Variants in MAN1C1 observed in about 807,000 individuals in gnomAD.
MAN1C1 encodes the protein mannosyl-oligosaccharide 1,2-alpha-mannosidase IC.
Under a neutral mutation model 71.5 loss-of-function variants are expected in MAN1C1, and 49 were observed. That is an observed-to-expected ratio of 0.69 (90% CI 0.54 to 0.87). MAN1C1 has a LOEUF of 0.87. Among genes scored for constraint, MAN1C1 ranks in the 40% least tolerant of loss-of-function variants. The probability of loss-of-function intolerance (pLI) is 0.00; values close to 1 mark genes in which losing one functional copy is unlikely to be tolerated. For synonymous variants in MAN1C1, 352 were observed against 343.7 expected (o/e 1.02, Z -0.27); for missense variants, 743 against 835.0 (o/e 0.89, Z 1.36).
chr1:25,720,362 C>T (rs1012408649), intron 2 of MAN1C1, among the ~76,000 whole-genome samples: 1 of 152,082 alleles, frequency 6.6e-6, no homozygotes, highest in Non-Finnish European at 1.5e-5. Context: ...AGGCACGCAC[C>T]GCCATGCCCG....
rs551522833 is a variant in MAN1C1, at chr1:25,735,276, G to A, written c.638-11392G>A. ...CTGCCAAAAACACAAAAATTAGCCGGGCATGCTGACGCATGCCTGTAATCC... is the reference window on the plus strand; with the variant it reads ...CTGCCAAAAACACAAAAATTAGCCGAGCATGCTGACGCATGCCTGTAATCC... On this transcript the variant is annotated intron_variant, in intron 2 of 11. Transcript: ENST00000374332. The surrounding 1 kb of genome is among the most constrained non-coding windows in gnomAD (Gnocchi z 4.6). 5.0e-4 allele frequency among the ~76,000 whole-genome samples: 76 copies of A among 152,190 alleles called. No individual in the cohort carries two copies. Among genetic ancestry groups the A allele is most frequent in the African/African-American group, 1.7e-3 (72 of 41,520 alleles).
At chr1:25,636,622 A>G (rs1228100716) in intron 1 of MAN1C1, among the ~76,000 whole-genome samples, 2 of 152,208 alleles carry the variant, frequency 1.3e-5, no homozygotes, top group Admixed American at 6.5e-5. Flanking sequence ...CTGATTTCAT[A>G]TTGTTCAAAC....
rs1448647762 is a variant in MAN1C1, at chr1:25,779,426, G to T, written c.1477+1102G>T. Among the ~76,000 whole-genome samples the T allele has an allele frequency of 1.3e-5, 2 of 152,178 alleles. No individual in the cohort carries two copies. Among genetic ancestry groups the T allele is most frequent in the African/African-American group, 4.8e-5 (2 of 41,444 alleles). On this transcript the variant is annotated intron_variant, in intron 9 of 11. Coordinates refer to ENST00000374332, the MANE Select transcript of MAN1C1 (RefSeq NM_020379.4). The surrounding 1 kb of genome is among the most constrained non-coding windows in gnomAD (Gnocchi z 4.6). ...TCTGTGCCCGCCCCAGCTGAATGGGGTCTCCTGGAGCTGTTTCCAGGAAGT... is the reference window on the plus strand; with the variant it reads ...TCTGTGCCCGCCCCAGCTGAATGGGTTCTCCTGGAGCTGTTTCCAGGAAGT...
At chr1:25,632,361 T>C (rs1239454639) in intron 1 of MAN1C1, among the ~76,000 whole-genome samples, 1 of 152,234 alleles carries the variant, frequency 6.6e-6, no homozygotes, top group African/African-American at 2.4e-5. Flanking sequence ...ACTTCCAGTT[T>C]CATTTCTAAT....
intron 8 of MAN1C1, 100 bp downstream of exon 8, chr1:25,771,872 G>A (rs1257702828): frequency 2.5e-5 from 21 of 853,868 alleles, no homozygotes; most frequent in Admixed American, 9.7e-5. Flanking sequence ...CAGATGGGCC[G>A]AGACTTGCTC....
intron 1 of MAN1C1, among the ~76,000 whole-genome samples, chr1:25,676,976 C>T (rs1252230939): frequency 2.6e-5 from 4 of 152,180 alleles, no homozygotes; most frequent in East Asian, 1.9e-4. Context: ...TCCTTTCTCT[C>T]TTGATCTCAT....
intron 1 of MAN1C1, among the ~76,000 whole-genome samples, chr1:25,643,388 G>A (rs1054220455): frequency 2.0e-5 from 3 of 149,292 alleles, no homozygotes; most frequent in Non-Finnish European, 1.5e-5. Context: ...CTGAGTAGCT[G>A]GGACTACAGG....
intron 1 of MAN1C1, among the ~76,000 whole-genome samples, chr1:25,678,455 T>C (rs2046100064): frequency 6.6e-6 from 1 of 152,198 alleles, no homozygotes; most frequent in Admixed American, 6.5e-5. Context: ...TTTACCGTAT[T>C]GTCTCAAAAT....
At chr1:25,771,809 C>T in intron 8 of MAN1C1, 37 bp downstream of exon 8, 1 of 1,531,884 alleles carries the variant, frequency 6.5e-7, no homozygotes, top group Non-Finnish European at 9.0e-7. Flanking sequence ...GGCCGCTGGT[C>T]ACCAGCCCCC....
intron 7 of MAN1C1, among the ~76,000 whole-genome samples, chr1:25,766,115 A>G (rs2047422814): frequency 6.6e-6 from 1 of 152,200 alleles, no homozygotes; most frequent in African/African-American, 2.4e-5. Flanking sequence ...TTGGCAAATT[A>G]TAAGGGAGCC....
At chr1:25,669,260 A>T (rs951844474) in intron 1 of MAN1C1, among the ~76,000 whole-genome samples, 1 of 152,188 alleles carries the variant, frequency 6.6e-6, no homozygotes, top group Non-Finnish European at 1.5e-5. Context: ...CTTGTTAGAA[A>T]TCAGAGCAGC....
At position 25,749,343 on chromosome 1, in the gene MAN1C1, G is replaced by A; in HGVS notation, c.834+8G>A. 6.2e-7 allele frequency: 1 copy of A among 1,605,540 alleles called. No individual in the cohort carries two copies. The highest frequency in any genetic ancestry group is 8.5e-7 in the Non-Finnish European group (1 of 1,174,398). On this transcript the variant is annotated splice_region_variant and intron_variant, in intron 4 of 11. Transcript: ENST00000374332. ...TACCTGACAGGAGAAGAGGTGGGTT[G>A]GCCTTTCATGACCCCTGAACTGTCC...
chr1:25,745,531 G>T (rs1046376037), intron 2 of MAN1C1, among the ~76,000 whole-genome samples: 5 of 151,854 alleles, frequency 3.3e-5, no homozygotes, highest in Non-Finnish European at 7.4e-5. Context: ...TACTTAAAAA[G>T]AAAGAAAGAA....
intron 2 of MAN1C1, among the ~76,000 whole-genome samples, chr1:25,693,231 G>C (rs769515793): frequency 1.3e-5 from 2 of 152,192 alleles, no homozygotes; most frequent in Non-Finnish European, 2.9e-5. Flanking sequence ...TTAAGTGAAA[G>C]TGGATCATTA....
At position 25,776,958 on chromosome 1, in the gene MAN1C1, A is replaced by C. The variant is rs1188868976; in HGVS notation, c.1258-1147A>C. Among the ~76,000 whole-genome samples, 2 of 152,192 alleles carry C rather than the reference A, an allele frequency of 1.3e-5. No individual in the cohort carries two copies. Among genetic ancestry groups the C allele is most frequent in the African/African-American group, 4.8e-5 (2 of 41,434 alleles). On this transcript the variant is annotated intron_variant, in intron 8 of 11. Coordinates refer to ENST00000374332, the MANE Select transcript of MAN1C1 (RefSeq NM_020379.4). This position sits in a 1 kb window ranked among gnomAD's most constrained non-coding sequence, Gnocchi z 4.3. ...TACACGTTAGGAAACTGAGGCACAG[A>C]GAGAACATACAACCTGCCCAGTGTC...
rs751062897 is a variant in MAN1C1 at position 25,753,539 on chromosome 1, C to A, written c.890C>A (p.Thr297Asn). 7 of 1,613,710 alleles carry A rather than the reference C, an allele frequency of 4.3e-6. No individual in the cohort carries two copies. ...LGEKLLPAFN[T>N]PTGIPKGVVS... is the part of the protein sequence containing the mutation. Reference sequence around the variant, plus strand: ...GAGAAGCTCCTGCCGGCGTTCAACACCCCCACGGGAATCCCAAAGGGCGTG... The same window carrying A: ...GAGAAGCTCCTGCCGGCGTTCAACAACCCCACGGGAATCCCAAAGGGCGTG... Residue 297 changes from threonine to asparagine, a missense_variant, in exon 5 of 12, where the codon ACC (threonine) becomes AAC (asparagine). Physicochemically the swap from Thr to Asn is moderately conservative, Grantham distance 65. Coordinates refer to ENST00000374332, the MANE Select transcript of MAN1C1 (RefSeq NM_020379.4). The surrounding 1 kb of genome is among the most constrained non-coding windows in gnomAD (Gnocchi z 4.9).
intron 2 of MAN1C1, among the ~76,000 whole-genome samples, chr1:25,731,351 A>G (rs2046908160): frequency 6.6e-6 from 1 of 151,826 alleles, no homozygotes; most frequent in South Asian, 2.1e-4. Flanking sequence ...CATCATCATC[A>G]TCATCATCAT....
At chr1:25,674,261 G>A (rs1445846000) in intron 1 of MAN1C1, among the ~76,000 whole-genome samples, 1 of 152,216 alleles carries the variant, frequency 6.6e-6, no homozygotes, top group African/African-American at 2.4e-5. Flanking sequence ...ACTGGGCAGT[G>A]AGTGCTTCTG....
intron 1 of MAN1C1, among the ~76,000 whole-genome samples, chr1:25,656,343 C>T (rs747305460): frequency 7.9e-5 from 12 of 151,990 alleles, no homozygotes; most frequent in Non-Finnish European, 1.0e-4. Context: ...AGTGATCTGC[C>T]CACCTTGGCC....
Sources: gnomAD v4.1 joint callset for allele counts (sites outside exome capture counted in the v4.1 genomes callset) on GRCh38, gnomAD v4.1.1 for gene constraint, Gnocchi (gnomAD v3.1) non-coding constraint, MANE v1.5 for transcripts, NCBI Gene and HGNC (gene_info 2026-07-23, HGNC 2026-07-21) for gene names.